DYNLT3: variants seen among roughly 807,000 people sequenced by gnomAD.
DYNLT3 encodes dynein light chain Tctex-type 3.
Under a neutral mutation model 11.0 loss-of-function variants are expected in DYNLT3, and 4 were observed. The ratio of observed to expected loss-of-function variants is 0.36; its 90% CI spans 0.18 to 0.83. The LOEUF is 0.83. Ranked by LOEUF, DYNLT3 falls within the 40% of genes least tolerant of loss-of-function variation. The pLI is 0.47. For missense variants in DYNLT3, 91 were observed against 91.1 expected (o/e 1.00, Z 0.01); for synonymous variants, 37 against 31.2 (o/e 1.18, Z -0.61).
Position 37,839,461 on chromosome X carries a change from A to C in DYNLT3, c.*1114T>G, listed in dbSNP as rs767747930. On this transcript the variant is annotated 3_prime_UTR_variant, in exon 5 of 5. Coordinates refer to ENST00000378578, the MANE Select transcript of DYNLT3 (RefSeq NM_006520.3). ...ATTCCACTCAATTTGAACCCCACAT[A>C]ATAAGTCTTTTAAGTTATTTACAGA... The C allele has an allele frequency of 1.8e-5, 2 of 112,401 alleles. No homozygotes were observed. Among genetic ancestry groups the C allele is most frequent in the South Asian group, 7.3e-4 (2 of 2,727 alleles). The allele number at this position is 112,401 out of a possible 1,213,427, so 9.3% of individuals were successfully genotyped here. A position where few individuals can be genotyped will look rare whatever the true frequency, so the allele number is the denominator to read the frequency against.
At chrX:37,843,267 C>A (rs866237198) in intron 2 of DYNLT3, among the ~76,000 whole-genome samples, 1 of 112,222 alleles carries the variant, frequency 8.9e-6, no homozygotes, top group South Asian at 3.7e-4. Context: ...GACCTTTGGA[C>A]AAACCTATTC....
At chrX:37,840,743 CACACATAT>C in intron 4 of DYNLT3, 92 bp from the exon 5 acceptor site, 1 of 456,068 alleles carries the variant, frequency 2.2e-6, no homozygotes, top group Non-Finnish European at 3.5e-6. Flanking sequence ...CACACACACA[CACACATAT>C]ACACACACAC....
At position 37,839,036 on chromosome X, in the gene DYNLT3, A is replaced by C. The variant is rs1930093462; in HGVS notation, c.*1539T>G. 9.0e-6 allele frequency: 1 copy of C among 111,663 alleles called. No individual in the cohort carries two copies. Among genetic ancestry groups the C allele is most frequent in the Admixed American group, 9.5e-5 (1 of 10,482 alleles). The allele number at this position is 111,663 out of a possible 1,213,427, so 9.2% of individuals were successfully genotyped here. On this transcript the variant is annotated 3_prime_UTR_variant, in exon 5 of 5. Transcript: ENST00000378578. ...TAAAGAAACATGAATAATGACTGAG[A>C]ATTTTTGATGTGCCAAAAACAAAGA...
chrX:37,841,738 T>G (rs988913740), intron 3 of DYNLT3, 44 bp downstream of exon 3: 1 of 1,114,579 alleles, frequency 9.0e-7, no homozygotes, highest in East Asian at 3.1e-5. Flanking sequence ...AAAATCACAA[T>G]GACAAAAGCA....
intron 1 of DYNLT3, chrX:37,846,913 G>C (rs1394457933): frequency 1.1e-6 from 1 of 909,235 alleles, no homozygotes; most frequent in Non-Finnish European, 1.6e-6. Context: ...TTTCTTTGGA[G>C]TCCCCATCAA....
At chrX:37,844,004 G>C (rs1930221252) in intron 2 of DYNLT3, among the ~76,000 whole-genome samples, 1 of 111,750 alleles carries the variant, frequency 8.9e-6, no homozygotes, top group Non-Finnish European at 1.9e-5. Context: ...GCAAAGCTGA[G>C]TTTCTTTGCA....
chrX:37,841,648 G>A, intron 3 of DYNLT3, 134 bp downstream of exon 3: 1 of 621,458 alleles, frequency 1.6e-6, no homozygotes, highest in Non-Finnish European at 2.2e-6. Flanking sequence ...ATCTTTGAAT[G>A]AGTAAATCAG....
At chrX:37,842,357 C>G (rs958450636) in intron 2 of DYNLT3, among the ~76,000 whole-genome samples, 2 of 111,466 alleles carry the variant, frequency 1.8e-5, no homozygotes, top group Non-Finnish European at 3.8e-5. Context: ...CAGGATGGGA[C>G]TAATTTAAAA....
At chrX:37,840,909 GC>G in intron 4 of DYNLT3, 118 bp downstream of exon 4, 4 of 758,572 alleles carry the variant, frequency 5.3e-6, no homozygotes, top group Non-Finnish European at 7.8e-6. Flanking sequence ...TAGGTACAAA[GC>G]AATACTGTTG....
rs1930124846 is a variant in DYNLT3, at chrX:37,840,668, G to T, written c.275-17C>A. The T allele has an allele frequency of 3.7e-6, 4 of 1,095,007 alleles. No homozygotes were observed. The highest frequency in any genetic ancestry group is 2.4e-6 in the Non-Finnish European group (2 of 829,217). The allele number at this position is 1,095,007 out of a possible 1,213,427, so 90.2% of individuals were successfully genotyped here. A position where few individuals can be genotyped will look rare whatever the true frequency, so the allele number is the denominator to read the frequency against. ...TACAGGTTCCTGAAACACAAAAAAA[G>T]GATTTTGAAATACCAGCAAAACATA... On this transcript the variant is annotated splice_polypyrimidine_tract_variant and intron_variant, in intron 4 of 4. Transcript: ENST00000378578.
chrX:37,844,199 G>T (rs1930224793), intron 2 of DYNLT3, among the ~76,000 whole-genome samples: 1 of 112,054 alleles, frequency 8.9e-6, no homozygotes. Context: ...CCTAGCCACT[G>T]CCGAGTATGT....
rs1184383562 is a variant in DYNLT3 at position 37,840,207 on chromosome X, T to A, written c.*368A>T. ...TGCAGCTTTTTTGTTCATATATTTA[T>A]TCCTGTTAACTTCTCTAGCTGAAAG... On this transcript the variant is annotated 3_prime_UTR_variant, in exon 5 of 5. Coordinates refer to ENST00000378578, the MANE Select transcript of DYNLT3 (RefSeq NM_006520.3). 1 of 114,865 alleles carries A rather than the reference T, an allele frequency of 8.7e-6. No homozygotes were observed. The highest frequency in any genetic ancestry group is 9.4e-5 in the Admixed American group (1 of 10,629). The allele number at this position is 114,865 out of a possible 1,213,427, so 9.5% of individuals were successfully genotyped here.
chrX:37,847,517 G>T lies in DYNLT3; in HGVS notation c.-7C>A. The T allele has an allele frequency of 1.0e-6, 1 of 976,083 alleles. No individual in the cohort carries two copies. The highest frequency in any genetic ancestry group is 4.1e-5 in the East Asian group (1 of 24,486). 80.4% of individuals were successfully genotyped at this position (976,083 alleles called of 1,213,427 possible). A position where few individuals can be genotyped will look rare whatever the true frequency, so the allele number is the denominator to read the frequency against. On this transcript the variant is annotated 5_prime_UTR_variant, in exon 1 of 5. Coordinates refer to ENST00000378578, the MANE Select transcript of DYNLT3 (RefSeq NM_006520.3). The stretch of plus-strand genomic sequence containing the variant: ...GGCGATGGTACTCCTCCATGGTAGC[G>T]CCGGCTCTCCCTGGGGCGGAGCGAC...
At chrX:37,842,030 T>TTGGG in intron 2 of DYNLT3, 125 bp from the exon 3 acceptor site, 1 of 632,252 alleles carries the variant, frequency 1.6e-6, no homozygotes, top group Non-Finnish European at 2.2e-6. Flanking sequence ...TAAGGCATCT[T>TTGGG]AGAAAATATA....
chrX:37,845,149 C>T (rs1390562899), intron 2 of DYNLT3, among the ~76,000 whole-genome samples: 1 of 111,980 alleles, frequency 8.9e-6, no homozygotes, highest in East Asian at 2.8e-4. Context: ...TCCCAGTTTC[C>T]CTCATTTGTG....
Position 37,838,936 on chromosome X carries a change from A to G in DYNLT3, c.*1639T>C, listed in dbSNP as rs1319873273. 9.0e-6 allele frequency: 1 copy of G among 111,656 alleles called. No individual in the cohort carries two copies. Among genetic ancestry groups the G allele is most frequent in the Non-Finnish European group, 1.9e-5 (1 of 53,164 alleles). 9.2% of individuals were successfully genotyped at this position (111,656 alleles called of 1,213,427 possible). On this transcript the variant is annotated 3_prime_UTR_variant, in exon 5 of 5. Coordinates refer to ENST00000378578, the MANE Select transcript of DYNLT3 (RefSeq NM_006520.3). ...TTTTTTCTTAAATTATGCTTAAACA[A>G]CAATAATAAAAAACAAGTCTGCATG...
chrX:37,841,793 T>C lies in DYNLT3; in HGVS notation c.185A>G (p.Tyr62Cys). 2.6e-6 allele frequency: 3 copies of C among 1,173,679 alleles called. No individual in the cohort carries two copies. Among genetic ancestry groups the C allele is most frequent in the Non-Finnish European group, 3.5e-6 (3 of 868,755 alleles). ...LTHLVKLGKA[Y>C]KYIVTCAVVQ... ...ATACTGATACTTACCAATATATTTA[T>C]AGGCTTTTCCCAACTTAACCAGGTG... The change falls in exon 3 of 5, where the codon TAT (tyrosine) becomes TGT (cysteine). Residue 62 changes from tyrosine to cysteine, a missense_variant. Transcript: ENST00000378578.
In DYNLT3 at chrX:37,841,060, G is replaced by A. The variant is rs138637421; in HGVS notation, c.242C>T (p.Ala81Val). ...TGTGGTATCCCAAAAACAGGAGCTG[G>A]CTGTGTGAAAGCCATATGCGCTCTT... ...VQKSAYGFHT[A>V]SSCFWDTTSD... The change falls in exon 4 of 5, where the codon GCC becomes GTC. Residue 81 changes from alanine to valine, a missense_variant. Ala to Val is a moderately conservative substitution (Grantham distance 64, BLOSUM62 0). Coordinates refer to ENST00000378578, the MANE Select transcript of DYNLT3 (RefSeq NM_006520.3). 1.7e-6 allele frequency: 2 copies of A among 1,210,522 alleles called. No homozygotes were observed. The highest frequency in any genetic ancestry group is 2.2e-6 in the Non-Finnish European group (2 of 895,003).
chrX:37,847,176 G>C, intron 1 of DYNLT3: 2 of 1,113,817 alleles, frequency 1.8e-6, no homozygotes, highest in Non-Finnish European at 2.4e-6. Context: ...CGGTAGGAGG[G>C]CGGCGCCCGT....
Sources: gnomAD v4.1 joint callset for allele counts (sites outside exome capture counted in the v4.1 genomes callset) on GRCh38, gnomAD v4.1.1 for gene constraint, MANE v1.5 for transcripts, NCBI Gene and HGNC (gene_info 2026-07-23, HGNC 2026-07-21) for gene names.